OAS3: variants seen among roughly 807,000 people sequenced by gnomAD.
The protein encoded by OAS3 is 2'-5'-oligoadenylate synthase 3.
OAS3 carries 107 observed loss-of-function variants against 113.0 expected under a neutral mutation model. The observed-to-expected ratio is 0.95, with a 90% confidence interval of 0.81 to 1.11. OAS3 has a LOEUF of 1.11. OAS3 is among the 50% of genes most tolerant of loss of function. OAS3 has a pLI of 0.00. For missense variants in OAS3, 1,258 were observed against 1,389.1 expected, an observed-to-expected ratio of 0.91 and a Z score of 1.50; for synonymous variants, 552 against 573.6, an observed-to-expected ratio of 0.96 and a Z score of 0.54.
In OAS3 at chr12:112,961,180, C is replaced by T; in HGVS notation, c.1767C>T (p.Asn589=). The T allele has an allele frequency of 6.2e-7, 1 of 1,614,074 alleles. No homozygotes were observed. The highest frequency in any genetic ancestry group is 8.5e-7 in the Non-Finnish European group (1 of 1,179,906). Residue 589 remains asparagine (N), a synonymous_variant, in exon 8 of 16, where the codon AAC becomes AAT. Transcript: ENST00000228928. ...HKACFAELRR[N]FMNIRPVKLK... ...CCTGCTTCGCAGAGCTGCGGAGGAA[C>T]TTCATGAACATTCGCCCTGTCAAGC...
At chr12:112,956,058 G>T (rs1262035444) in intron 7 of OAS3, among the ~76,000 whole-genome samples, 1 of 152,186 alleles carries the variant, frequency 6.6e-6, no homozygotes, top group Non-Finnish European at 1.5e-5. Flanking sequence ...TCCTGGTTTA[G>T]TCTTGGGAGC....
chr12:112,955,505 G>A (rs957526793), intron 7 of OAS3, among the ~76,000 whole-genome samples: 4 of 152,152 alleles, frequency 2.6e-5, no homozygotes, highest in African/African-American at 9.7e-5. Flanking sequence ...TCAATACCTA[G>A]TTTATTGAGA....
Position 112,963,480 on chromosome 12 carries a change from G to C in OAS3, c.2229+23G>C. ...ATGGTAAGATGGAGGGTCCTGGGGGGCAGGGGGCCCTGCACCCTGCCTTCT... is the reference window on the plus strand; with the variant it reads ...ATGGTAAGATGGAGGGTCCTGGGGGCCAGGGGGCCCTGCACCCTGCCTTCT... On this transcript the variant is annotated intron_variant, in intron 10 of 15. Coordinates refer to ENST00000228928, the MANE Select transcript of OAS3 (RefSeq NM_006187.4). The surrounding 1 kb of genome is among the most constrained non-coding windows in gnomAD (Gnocchi z 4.6). 1 of 1,502,538 alleles carries C rather than the reference G, an allele frequency of 6.7e-7. No individual in the cohort carries two copies. The highest frequency in any genetic ancestry group is 8.9e-7 in the Non-Finnish European group (1 of 1,119,060). The allele number at this position is 1,502,538 out of a possible 1,614,324, so 93.1% of individuals were successfully genotyped here. A position where few individuals can be genotyped will look rare whatever the true frequency, so the allele number is the denominator to read the frequency against.
chr12:112,952,520 G>A (rs2043801240), intron 7 of OAS3, among the ~76,000 whole-genome samples: 1 of 147,902 alleles, frequency 6.8e-6, no homozygotes, highest in South Asian at 2.3e-4. Context: ...CTAATAATAG[G>A]GGAGATTATT....
In OAS3 at chr12:112,941,629, C is replaced by A. The variant is rs1048222602; in HGVS notation, c.237C>A (p.Ile79=). The part of the protein sequence containing the change: ...LKGGCDSELV[I]FLDCFKSYVD... ...GTGGCTGTGATTCTGAACTTGTCAT[C>A]TTCCTCGACTGCTTCAAGAGCTATG... Residue 79 remains isoleucine (I), a synonymous_variant, in exon 2 of 16, where the codon ATC becomes ATA. Transcript: ENST00000228928. 6.2e-7 allele frequency: 1 copy of A among 1,613,918 alleles called. No individual in the cohort carries two copies. Among genetic ancestry groups the A allele is most frequent in the Non-Finnish European group, 8.5e-7 (1 of 1,179,902 alleles).
At position 112,967,448 on chromosome 12, in the gene OAS3, C is replaced by T. The variant is rs750576694; in HGVS notation, c.2720C>T (p.Ser907Phe). The change falls in exon 13 of 16, where the codon TCT (serine) becomes TTT (phenylalanine). Residue 907 changes from serine to phenylalanine, a missense_variant. By Grantham distance (155) the Ser-to-Phe change is radical. Transcript: ENST00000228928. ...GQLVSGSRPS[S>F]QVYVDLIHSY... ...CTGGTCTCTGGCTCCAGGCCCAGCT[C>T]TCAAGTCTACGTCGACCTCATCCAC... 4 of 1,613,354 alleles carry T rather than the reference C, an allele frequency of 2.5e-6. No individual in the cohort carries two copies. The South Asian group carries it at 3.3e-5, about 13-fold the overall frequency.
intron 12 of OAS3, among the ~76,000 whole-genome samples, chr12:112,966,294 C>T (rs1555226607): frequency 6.6e-6 from 1 of 152,216 alleles, no homozygotes; most frequent in Non-Finnish European, 1.5e-5. Flanking sequence ...GCTGGATGAC[C>T]TTGAACAAGG....
intron 7 of OAS3, among the ~76,000 whole-genome samples, chr12:112,958,099 C>T (rs1368432101): frequency 9.2e-5 from 14 of 152,328 alleles, no homozygotes; most frequent in Admixed American, 5.9e-4. Context: ...TCTTCAATCA[C>T]TGATACCCTT....
intron 7 of OAS3, among the ~76,000 whole-genome samples, chr12:112,953,673 C>T (rs549662005): frequency 2.0e-4 from 31 of 151,948 alleles, no homozygotes; most frequent in South Asian, 1.2e-3. Context: ...TTTTAATGAT[C>T]GCCATTCTAA....
chr12:112,940,498 T>C (rs1482985008), intron 1 of OAS3, among the ~76,000 whole-genome samples: 1 of 152,206 alleles, frequency 6.6e-6, no homozygotes, highest in Non-Finnish European at 1.5e-5. Flanking sequence ...CACAGAACAG[T>C]GGCTCTGACA....
In OAS3 at chr12:112,968,060, C is replaced by T. The variant is rs772391809; in HGVS notation, c.2990C>T (p.Thr997Met). The T allele has an allele frequency of 3.1e-6, 5 of 1,613,956 alleles. No homozygotes were observed. The highest frequency in any genetic ancestry group is 1.7e-5 in the Admixed American group (1 of 60,022). ...SQFNMAEGFRTVLELVTQYRQ... is the reference protein window; with the variant it reads ...SQFNMAEGFRMVLELVTQYRQ... ...TTCAACATGGCTGAGGGCTTCCGCA[C>T]GGTCCTGGAGCTGGTCACCCAGTAC... is the stretch of plus-strand genomic sequence containing the variant. The change falls in exon 14 of 16, where the codon ACG becomes ATG. Residue 997 changes from threonine (T) to methionine (M), a missense_variant. Thr to Met is a moderately conservative substitution (Grantham distance 81). Coordinates refer to ENST00000228928, the MANE Select transcript of OAS3 (RefSeq NM_006187.4).
At chr12:112,948,477 T>C (rs1593176683) in intron 5 of OAS3, among the ~76,000 whole-genome samples, 1 of 118,358 alleles carries the variant, frequency 8.4e-6, no homozygotes, top group Non-Finnish European at 1.6e-5. Flanking sequence ...CACTCCAGCC[T>C]GGGTGACAGA....
chr12:112,959,172 C>T (rs2043861057), intron 7 of OAS3, among the ~76,000 whole-genome samples: 1 of 152,184 alleles, frequency 6.6e-6, no homozygotes, highest in South Asian at 2.1e-4. Flanking sequence ...TCCTGGTGTG[C>T]CGTTTGCTAA....
intron 1 of OAS3, among the ~76,000 whole-genome samples, chr12:112,940,255 C>G (rs563353345): frequency 1.3e-5 from 2 of 152,268 alleles, no homozygotes; most frequent in African/African-American, 4.8e-5. Context: ...TTGTCAGCAG[C>G]CCCCAGATGG....
At chr12:112,944,832 C>T in intron 3 of OAS3, 181 bp downstream of exon 3, 1 of 655,432 alleles carries the variant, frequency 1.5e-6, no homozygotes, top group East Asian at 2.8e-5. Flanking sequence ...TTTGTTGAAG[C>T]TCTTTATATA....
Position 112,970,155 on chromosome 12 carries a change from A to C in OAS3, c.*182A>C. The C allele has an allele frequency of 2.8e-6, 2 of 707,816 alleles. No homozygotes were observed. The highest frequency in any genetic ancestry group is 4.9e-6 in the Non-Finnish European group (2 of 407,668). The allele number at this position is 707,816 out of a possible 1,614,324, so 43.8% of individuals were successfully genotyped here. ...TTTAGTGAATCTGCTCTCCCAGCTCACACACTCCCCTGCCTCCCATGGCTT... is the reference window on the plus strand; with the variant it reads ...TTTAGTGAATCTGCTCTCCCAGCTCCCACACTCCCCTGCCTCCCATGGCTT... On this transcript the variant is annotated 3_prime_UTR_variant, in exon 16 of 16. Coordinates refer to ENST00000228928, the MANE Select transcript of OAS3 (RefSeq NM_006187.4).
Position 112,941,844 on chromosome 12 carries a change from A to T in OAS3, c.452A>T (p.Asn151Ile). The part of the protein sequence containing the change: ...WMDVSLVPAF[N>I]VLGQAGSGVK... ...GATGTTAGCCTGGTGCCTGCCTTCA[A>T]TGTCCTGGGTGAGGGGTTCCTAGAC... The change falls in exon 2 of 16, where the codon AAT becomes ATT. Residue 151 changes from asparagine (N) to isoleucine (I), a missense_variant. Transcript: ENST00000228928. 1 of 1,613,988 alleles carries T rather than the reference A, an allele frequency of 6.2e-7. No homozygotes were observed. The highest frequency in any genetic ancestry group is 1.1e-5 in the South Asian group (1 of 91,086).
At chr12:112,962,544 C>A in intron 8 of OAS3, 108 bp from the exon 9 acceptor site, 2 of 1,337,322 alleles carry the variant, frequency 1.5e-6, no homozygotes, top group South Asian at 1.4e-5. Flanking sequence ...AGTTTCTATT[C>A]TTTCTGCGCT....
rs745476608 is a variant in OAS3, at chr12:112,962,810, G to A, written c.1992G>A (p.Gln664=). 5 of 1,614,062 alleles carry A rather than the reference G, an allele frequency of 3.1e-6. No homozygotes were observed. The East Asian group carries it at 6.7e-5, about 22-fold the overall frequency. ...GGACGGTGCTGGGGCTCGTGCAACAGCATCAGCAGCTCTGTGTCTACTGGA... is the reference window on the plus strand; with the variant it reads ...GGACGGTGCTGGGGCTCGTGCAACAACATCAGCAGCTCTGTGTCTACTGGA... ...GFRTVLGLVQ[Q]HQQLCVYWTV... is the part of the protein sequence containing the mutation. The change falls in exon 9 of 16, where the codon CAG becomes CAA. Residue 664 remains glutamine, a synonymous_variant. Transcript: ENST00000228928.
Sources: allele counts gnomAD v4.1 joint callset (sites outside exome capture counted in the v4.1 genomes callset), GRCh38; gene constraint gnomAD v4.1.1; non-coding constraint Gnocchi (gnomAD v3.1); transcripts MANE v1.5; gene names NCBI Gene and HGNC (gene_info 2026-07-23, HGNC 2026-07-21).